The following ATP2B2 variants were observed in gnomAD, a reference collection of about 807,000 sequenced individuals.
The protein encoded by ATP2B2 is ATPase plasma membrane Ca2+ transporting 2.
In ATP2B2, 15 loss-of-function variants were observed where a neutral mutation model predicts 120.0. That is an observed-to-expected ratio of 0.12 (90% CI 0.08 to 0.19). The LOEUF (loss-of-function observed/expected upper bound fraction) is 0.19. Ranked by LOEUF, ATP2B2 falls within the 10% of genes least tolerant of loss-of-function variation. The pLI, the probability that ATP2B2 is intolerant of heterozygous loss-of-function variation, is 1.00. For missense variants in ATP2B2, 1,045 were observed against 1,719.8 expected (o/e 0.61, Z 6.94); for synonymous variants, 694 against 700.3 (o/e 0.99, Z 0.14).
intron 2 of ATP2B2, among the ~76,000 whole-genome samples, chr3:10,538,783 A>C (rs1261607396): frequency 1.3e-5 from 2 of 152,246 alleles, no homozygotes; most frequent in Non-Finnish European, 2.9e-5. Context: ...TGAATGGGCA[A>C]AAACTGGAAG....
rs554317939 is a variant in ATP2B2, at chr3:10,667,003, G to C, written c.-460+40912C>G. On this transcript the variant is annotated intron_variant, in intron 1 of 21. Coordinates refer to the ATP2B2 transcript ENST00000646379. ...TTCCACTCCTTTAGATTCCTGTAAG[G>C]GTCCAGGCAGAGTTCCCATCCTCAC... Among the ~76,000 whole-genome samples the C allele has an allele frequency of 1.3e-3, 204 of 152,302 alleles. 1 individual carries two copies. Among genetic ancestry groups the C allele is most frequent in the African/African-American group, 4.4e-3 (183 of 41,560 alleles).
At chr3:10,330,658 G>A (rs1387222550) in intron 22 of ATP2B2, among the ~76,000 whole-genome samples, 1 of 152,266 alleles carries the variant, frequency 6.6e-6, no homozygotes, top group Non-Finnish European at 1.5e-5. Context: ...GGAGGCAGGG[G>A]ACTGGACGAG....
chr3:10,476,900 G>C (rs1227975684), intron 1 of ATP2B2, among the ~76,000 whole-genome samples: 2 of 152,202 alleles, frequency 1.3e-5, no homozygotes, highest in Admixed American at 6.5e-5. Flanking sequence ...TGGGGGTGCT[G>C]GGTCTTAGCA....
At chr3:10,566,515 C>A (rs1434799500) in intron 2 of ATP2B2, 1 of 152,136 alleles carries the variant, frequency 6.6e-6, no homozygotes, top group Non-Finnish European at 1.5e-5. Flanking sequence ...TTTATAACAA[C>A]AAGATGTGCT....
At chr3:10,660,463 G>C (rs1172795048) in intron 1 of ATP2B2, among the ~76,000 whole-genome samples, 1 of 152,188 alleles carries the variant, frequency 6.6e-6, no homozygotes, top group South Asian at 2.1e-4. Flanking sequence ...GAGAATACAA[G>C]AAACACCTCT....
chr3:10,397,260 G>A (rs575375625), intron 5 of ATP2B2, among the ~76,000 whole-genome samples: 24 of 152,318 alleles, frequency 1.6e-4, no homozygotes, highest in African/African-American at 5.5e-4. Flanking sequence ...TCAGACCTGC[G>A]TGGGCAAGAG....
chr3:10,374,894 G>C lies in ATP2B2; in HGVS notation c.1416+536C>G, dbSNP rs190784691. On this transcript the variant is annotated intron_variant, in intron 11 of 22. Coordinates refer to ENST00000360273, the MANE Select transcript of ATP2B2 (RefSeq NM_001001331.4). ...TTCTATGAAATCAGACTTCCTTTTT[G>C]TTTTTGGCTTACCCCTCACACTTCA... 1.3e-5 allele frequency among the ~76,000 whole-genome samples: 2 copies of C among 152,070 alleles called. 1 individual carries two copies. The highest frequency in any genetic ancestry group is 1.3e-4 in the Admixed American group (2 of 15,276).
chr3:10,662,241 G>C (rs191334395), intron 1 of ATP2B2, among the ~76,000 whole-genome samples: 53 of 152,062 alleles, frequency 3.5e-4, no homozygotes, highest in African/African-American at 1.2e-3. Flanking sequence ...ATTGACAAAT[G>C]GTATCTAATT....
intron 3 of ATP2B2, among the ~76,000 whole-genome samples, chr3:10,518,235 A>G (rs948697100): frequency 5.9e-5 from 9 of 152,218 alleles, no homozygotes; most frequent in Non-Finnish European, 1.3e-4. Flanking sequence ...TTAAGCATTC[A>G]TAGTCACAAT....
chr3:10,467,376 C>T (rs756838929), intron 1 of ATP2B2, among the ~76,000 whole-genome samples: 3 of 152,212 alleles, frequency 2.0e-5, no homozygotes, highest in Non-Finnish European at 4.4e-5. Flanking sequence ...AGCCCCGCTC[C>T]AGGGGCCCCT....
intron 22 of ATP2B2, among the ~76,000 whole-genome samples, chr3:10,334,524 C>T (rs550266431): frequency 7.9e-5 from 12 of 152,278 alleles, no homozygotes; most frequent in African/African-American, 2.4e-4. Flanking sequence ...TTGCCTTCCC[C>T]GAGAAATCCT....
intron 3 of ATP2B2, among the ~76,000 whole-genome samples, chr3:10,530,146 G>A (rs1048593950): frequency 7.2e-5 from 11 of 152,164 alleles, no homozygotes; most frequent in African/African-American, 2.2e-4. Flanking sequence ...GAGAGCGACC[G>A]ACACAGTCCC....
intron 3 of ATP2B2, among the ~76,000 whole-genome samples, chr3:10,404,777 G>A (rs2062354039): frequency 6.6e-6 from 1 of 152,176 alleles, no homozygotes; most frequent in Non-Finnish European, 1.5e-5. Flanking sequence ...GGAGACACAG[G>A]TGAACCTTGC....
At chr3:10,680,806 G>T (rs938986351) in intron 1 of ATP2B2, among the ~76,000 whole-genome samples, 2 of 152,202 alleles carry the variant, frequency 1.3e-5, no homozygotes, top group African/African-American at 4.8e-5. Context: ...GGATGTCCCA[G>T]TCAGCAGATT....
intron 2 of ATP2B2, among the ~76,000 whole-genome samples, chr3:10,440,992 C>G (rs2063644738): frequency 6.6e-6 from 1 of 152,248 alleles, no homozygotes; most frequent in African/African-American, 2.4e-5. Flanking sequence ...GTTAATTATT[C>G]TCTAGTATCA....
intron 3 of ATP2B2, among the ~76,000 whole-genome samples, chr3:10,404,085 G>A (rs1189641154): frequency 1.3e-5 from 2 of 152,204 alleles, no homozygotes; most frequent in Admixed American, 1.3e-4. Context: ...TCCTGGAAGG[G>A]TGGGGCCCAA....
intron 3 of ATP2B2, among the ~76,000 whole-genome samples, chr3:10,512,925 G>A (rs1237849965): frequency 2.0e-5 from 3 of 152,174 alleles, no homozygotes; most frequent in Non-Finnish European, 4.4e-5. Flanking sequence ...CTGGCCTCAG[G>A]CTCCTCATTT....
intron 1 of ATP2B2, among the ~76,000 whole-genome samples, chr3:10,676,898 A>T (rs1272927979): frequency 6.6e-6 from 1 of 152,362 alleles, no homozygotes; most frequent in East Asian, 1.9e-4. Flanking sequence ...AAAATCCAGA[A>T]CACTGACAGT....
intron 22 of ATP2B2, chr3:10,332,274 C>G (rs796222185): frequency 3.5e-5 from 19 of 536,646 alleles, no homozygotes; most frequent in African/African-American, 3.2e-4. Flanking sequence ...GCAGGAGGTG[C>G]CTTATCTGTC....
Sources: allele counts gnomAD v4.1 joint callset (sites outside exome capture counted in the v4.1 genomes callset), GRCh38; gene constraint gnomAD v4.1.1; transcripts MANE v1.5; gene names NCBI Gene and HGNC (gene_info 2026-07-23, HGNC 2026-07-21).